TENM3: variants seen among roughly 807,000 people sequenced by gnomAD.
TENM3 encodes the protein teneurin-3.
Under a neutral mutation model 255.1 loss-of-function variants are expected in TENM3, and 63 were observed. That is an observed-to-expected ratio of 0.25 (90% CI 0.20 to 0.30). The LOEUF (loss-of-function observed/expected upper bound fraction) is 0.30. Among genes scored for constraint, TENM3 ranks in the 10% least tolerant of loss-of-function variants. The probability of loss-of-function intolerance (pLI) is 1.00; values close to 1 mark genes in which losing one functional copy is unlikely to be tolerated. For synonymous variants in TENM3, 1,306 were observed against 1,322.3 expected (o/e 0.99, Z 0.27); for missense variants, 2,929 against 3,461.1 (o/e 0.85, Z 3.86).
intron 12 of TENM3, among the ~76,000 whole-genome samples, chr4:182,701,727 C>T (rs978534996): frequency 1.3e-5 from 2 of 152,158 alleles, no homozygotes; most frequent in Admixed American, 6.5e-5. Flanking sequence ...AAGAACAAAC[C>T]GCATAGCAAA....
chr4:182,576,977 C>T (rs1254269832), intron 3 of TENM3, among the ~76,000 whole-genome samples: 1 of 152,174 alleles, frequency 6.6e-6, no homozygotes, highest in South Asian at 2.1e-4. Flanking sequence ...CTGCCTCTTG[C>T]GAGTTCTCCT....
At chr4:182,288,397 C>G (rs1387882786) in intron 1 of TENM3, among the ~76,000 whole-genome samples, 1 of 152,142 alleles carries the variant, frequency 6.6e-6, no homozygotes, top group Non-Finnish European at 1.5e-5. Context: ...TTGAAGCCCC[C>G]ATCCCTTCTG....
chr4:181,512,601 C>G, the TENM3 span, among the ~76,000 whole-genome samples: 1 of 152,104 alleles, frequency 6.6e-6, no homozygotes, highest in Non-Finnish European at 1.5e-5. Flanking sequence ...CATCTAAATC[C>G]CACTTCGTCG....
At chr4:181,692,486 AAAACATAAGGTTCC>A in the TENM3 span, among the ~76,000 whole-genome samples, 2 of 152,338 alleles carry the variant, frequency 1.3e-5, no homozygotes, top group Admixed American at 1.3e-4. Context: ...ACTTAACTTT[AAAACATAAGGTTCC>A]TCACTTATGT....
At chr4:182,739,182 G>A (rs554924827) in intron 18 of TENM3, among the ~76,000 whole-genome samples, 100 of 152,162 alleles carry the variant, frequency 6.6e-4, no homozygotes, top group African/African-American at 2.1e-3. Context: ...AATCAAAAGC[G>A]TTCCTAGGAG....
chr4:182,746,219 G>A (rs1666377892), intron 19 of TENM3, among the ~76,000 whole-genome samples: 2 of 152,080 alleles, frequency 1.3e-5, no homozygotes, highest in South Asian at 2.1e-4. Flanking sequence ...AATCATACCC[G>A]TGGTCCGTGG....
chr4:182,704,443 C>T lies in TENM3; in HGVS notation c.2222-9644C>T, dbSNP rs191278389. On this transcript the variant is annotated intron_variant, in intron 12 of 27. Coordinates refer to ENST00000511685, the MANE Select transcript of TENM3 (RefSeq NM_001080477.4). ...AATTCTGTTCTACCAGTCATCTCTA[C>T]AAAGCTCTGCAGCTTATAAAGGCAC... Among the ~76,000 whole-genome samples, 502 of 152,288 alleles carry T rather than the reference C, an allele frequency of 3.3e-3. 3 individuals carry two copies. The highest frequency in any genetic ancestry group is 3.6e-3 in the Admixed American group (55 of 15,304).
intron 1 of TENM3, among the ~76,000 whole-genome samples, chr4:182,147,296 T>C (rs58939299): frequency 0.01 from 1,584 of 152,246 alleles, 36 homozygotes; most frequent in African/African-American, 0.036. Context: ...TTGCAATAGC[T>C]GTTAATGTAT....
the TENM3 span, among the ~76,000 whole-genome samples, chr4:181,746,758 T>A: frequency 6.6e-6 from 1 of 151,792 alleles, no homozygotes; most frequent in Non-Finnish European, 1.5e-5. Context: ...ATCAGCTATT[T>A]TTTTTTTTTA....
At chr4:182,332,458 C>G (rs777641038) in intron 2 of TENM3, among the ~76,000 whole-genome samples, 1 of 151,984 alleles carries the variant, frequency 6.6e-6, no homozygotes, top group African/African-American at 2.4e-5. Context: ...TTTGGGAGGC[C>G]GAGGCGGGCA....
chr4:182,099,445 G>A, the TENM3 span, among the ~76,000 whole-genome samples: 2 of 152,190 alleles, frequency 1.3e-5, no homozygotes, highest in South Asian at 2.1e-4. Flanking sequence ...TAGCCTATAG[G>A]CCATATTCAG....
chr4:182,259,676 C>T (rs766245479), intron 1 of TENM3, among the ~76,000 whole-genome samples: 2 of 152,050 alleles, frequency 1.3e-5, no homozygotes, highest in African/African-American at 2.4e-5. Context: ...CATCTGATGA[C>T]TTAATACAAA....
the TENM3 span, among the ~76,000 whole-genome samples, chr4:181,733,949 A>G: frequency 6.6e-6 from 1 of 152,276 alleles, no homozygotes; most frequent in East Asian, 1.9e-4. Flanking sequence ...GCGGTTTGGA[A>G]CCTGCCGTTC....
At chr4:182,358,402 G>T (rs946619374) in intron 3 of TENM3, among the ~76,000 whole-genome samples, 9 of 151,168 alleles carry the variant, frequency 6.0e-5, no homozygotes, top group African/African-American at 2.2e-4. Flanking sequence ...ATTGAGCAGT[G>T]GTTTGTAGTT....
chr4:182,082,333 C>T, the TENM3 span, among the ~76,000 whole-genome samples: 4 of 152,256 alleles, frequency 2.6e-5, no homozygotes, highest in Middle Eastern at 3.4e-3. Flanking sequence ...ATCCTCATGA[C>T]CTAATCACCC....
At chr4:181,467,123 A>ATCTTTTTTTTTTT in the TENM3 span, among the ~76,000 whole-genome samples, 1 of 17,976 alleles carries the variant, frequency 5.6e-5, no homozygotes, top group Non-Finnish European at 1.3e-4. Flanking sequence ...ATATATATAT[A>ATCTTTTTTTTTTT]TATTTTTTTT....
chr4:182,791,741 C>CTT (rs1766118865), intron 25 of TENM3, among the ~76,000 whole-genome samples: 2 of 152,168 alleles, frequency 1.3e-5, no homozygotes, highest in Admixed American at 1.3e-4. Flanking sequence ...TTTGTATACA[C>CTT]TTTATCCATT....
At chr4:182,104,571 G>C in the TENM3 span, among the ~76,000 whole-genome samples, 1 of 141,666 alleles carries the variant, frequency 7.1e-6, no homozygotes, top group Non-Finnish European at 1.5e-5. Context: ...GAGTGCAGTG[G>C]CACAAACTTG....
the TENM3 span, among the ~76,000 whole-genome samples, chr4:181,788,795 A>C: frequency 1.3e-5 from 2 of 152,074 alleles, no homozygotes; most frequent in Non-Finnish European, 2.9e-5. Flanking sequence ...AGGAGGTTTC[A>C]CTATGTTGCC....
Sources: allele counts gnomAD v4.1 joint callset (sites outside exome capture counted in the v4.1 genomes callset), GRCh38; gene constraint gnomAD v4.1.1; transcripts MANE v1.5; gene names NCBI Gene and HGNC (gene_info 2026-07-23, HGNC 2026-07-21).